The following EDEM1 variants were observed in gnomAD, a reference collection of about 807,000 sequenced individuals.
EDEM1 encodes ER degradation-enhancing alpha-mannosidase-like protein 1.
A neutral mutation model predicts 74.4 loss-of-function variants in EDEM1; 67 were observed. The ratio of observed to expected loss-of-function variants is 0.90; its 90% CI spans 0.74 to 1.10. The LOEUF (loss-of-function observed/expected upper bound fraction) is 1.10, where lower values mean the gene tolerates loss of function less well. Among genes scored for constraint, EDEM1 ranks in the 50% least tolerant of loss-of-function variants. The pLI is 0.00. For missense variants in EDEM1, 926 were observed against 851.6 expected (o/e 1.09, Z -1.09); for synonymous variants, 382 against 335.9 (o/e 1.14, Z -1.50).
In EDEM1 at chr3:5,213,316, T is replaced by G. The variant is rs1559300940; in HGVS notation, c.1681-3T>G. 1.2e-6 allele frequency: 2 copies of G among 1,612,604 alleles called. No individual in the cohort carries two copies. Among genetic ancestry groups the G allele is most frequent in the Non-Finnish European group, 1.7e-6 (2 of 1,179,214 alleles). On this transcript the variant is annotated splice_region_variant and splice_polypyrimidine_tract_variant and intron_variant, in intron 10 of 11. Coordinates refer to ENST00000256497, the MANE Select transcript of EDEM1 (RefSeq NM_014674.3). ...GTTGTATCTTTTTCTCCGTTCCCTCTAGCTGTTTGATGAAGACAATCCAGT... is the reference window on the plus strand; with the variant it reads ...GTTGTATCTTTTTCTCCGTTCCCTCGAGCTGTTTGATGAAGACAATCCAGT...
chr3:5,215,449 T>G (rs2055222476), intron 11 of EDEM1, among the ~76,000 whole-genome samples: 1 of 152,224 alleles, frequency 6.6e-6, no homozygotes, highest in Non-Finnish European at 1.5e-5. Context: ...GGATGTGGCT[T>G]TCAGTCCTGG....
intron 10 of EDEM1, 113 bp downstream of exon 10, chr3:5,211,329 T>C (rs2055164715): frequency 9.7e-7 from 1 of 1,027,706 alleles, no homozygotes; most frequent in Non-Finnish European, 1.5e-6. Context: ...CTGGACATTG[T>C]GCATTCCCAG....
chr3:5,202,963 C>T lies in EDEM1; in HGVS notation c.859-3C>T, dbSNP rs753758706. 54 of 1,612,902 alleles carry T rather than the reference C, an allele frequency of 3.3e-5. No homozygotes were observed. Among genetic ancestry groups the T allele is most frequent in the Non-Finnish European group, 4.3e-5 (51 of 1,179,438 alleles). ...CACAGTCTTTGTCTGTTCCCATCCC[C>T]AGGTGAATCTAAAGACAGGAGTTCC... On this transcript the variant is annotated splice_region_variant and splice_polypyrimidine_tract_variant and intron_variant, in intron 4 of 11. Coordinates refer to ENST00000256497, the MANE Select transcript of EDEM1 (RefSeq NM_014674.3).
chr3:5,205,741 GA>G (rs1559298107), intron 6 of EDEM1, among the ~76,000 whole-genome samples: 1 of 152,242 alleles, frequency 6.6e-6, no homozygotes, highest in African/African-American at 2.4e-5. Flanking sequence ...TGATCTGAGA[GA>G]AAAAGAAAGA....
In EDEM1 at chr3:5,213,467, A is replaced by C. The variant is rs968737261; in HGVS notation, c.1829A>C (p.Lys610Thr). 6.2e-7 allele frequency: 1 copy of C among 1,613,986 alleles called. No homozygotes were observed. Among genetic ancestry groups the C allele is most frequent in the African/African-American group, 1.3e-5 (1 of 74,940 alleles). The stretch of plus-strand genomic sequence containing the variant: ...GAGGGAGGGCAGGACCAAGGGGGAA[A>C]GTCTGTGCACAGGCCGAAACCTCAT... ...SEEGGQDQGG[K>T]SVHRPKPHEL... The change falls in exon 11 of 12, where the codon AAG (lysine) becomes ACG (threonine). Residue 610 changes from lysine (K) to threonine (T), a missense_variant. Coordinates refer to ENST00000256497, the MANE Select transcript of EDEM1 (RefSeq NM_014674.3).
In EDEM1 at chr3:5,187,900, G is replaced by C. The variant is rs1662497797; in HGVS notation, c.95G>C (p.Gly32Ala). The change falls in exon 1 of 12, where the codon GGC becomes GCC. Residue 32 changes from glycine to alanine, a missense_variant. By Grantham distance (60) the Gly-to-Ala change is moderately conservative (BLOSUM62 0). Coordinates refer to ENST00000256497, the MANE Select transcript of EDEM1 (RefSeq NM_014674.3). ...WLVFGLGPSM[G>A]FYQRFPLSFG... Reference sequence around the variant, plus strand: ...GTCTTCGGGCTGGGGCCCAGCATGGGCTTCTACCAGCGCTTTCCGCTCAGC... The same window carrying C: ...GTCTTCGGGCTGGGGCCCAGCATGGCCTTCTACCAGCGCTTTCCGCTCAGC... 6.3e-7 allele frequency: 1 copy of C among 1,599,438 alleles called. No homozygotes were observed. The highest frequency in any genetic ancestry group is 8.5e-7 in the Non-Finnish European group (1 of 1,175,268).
At position 5,188,047 on chromosome 3, in the gene EDEM1, A is replaced by G. The variant is rs1476583268; in HGVS notation, c.242A>G (p.Gln81Arg). 1.4e-6 allele frequency: 2 copies of G among 1,436,346 alleles called. No individual in the cohort carries two copies. The allele number at this position is 1,436,346 out of a possible 1,614,324, so 89.0% of individuals were successfully genotyped here. The change falls in exon 1 of 12, where the codon CAG becomes CGG. Residue 81 changes from glutamine (Q) to arginine (R), a missense_variant. Physicochemically the swap from Gln to Arg is conservative, Grantham distance 43. Coordinates refer to ENST00000256497, the MANE Select transcript of EDEM1 (RefSeq NM_014674.3). ...WLQPPGTGAA[Q>R]SPRKAPRRPG... ...CAGCCGCCGGGGACCGGGGCAGCGCAGAGCCCGCGCAAGGCTCCGCGGCGT... is the reference window on the plus strand; with the variant it reads ...CAGCCGCCGGGGACCGGGGCAGCGCGGAGCCCGCGCAAGGCTCCGCGGCGT...
Position 5,213,532 on chromosome 3 carries a change from T to C in EDEM1, c.1884+10T>C. 1 of 1,597,678 alleles carries C rather than the reference T, an allele frequency of 6.3e-7. No homozygotes were observed. The highest frequency in any genetic ancestry group is 1.1e-5 in the South Asian group (1 of 88,248). On this transcript the variant is annotated intron_variant, in intron 11 of 11. Coordinates refer to ENST00000256497, the MANE Select transcript of EDEM1 (RefSeq NM_014674.3). The stretch of plus-strand genomic sequence containing the variant: ...CAACTCCAGCTCCAACGTGAGTTGC[T>C]TTTTCCAGGGGTGATTTGCATATAG...
chr3:5,205,323 C>G, intron 6 of EDEM1, 82 bp downstream of exon 6: 2 of 1,391,140 alleles, frequency 1.4e-6, no homozygotes, highest in Non-Finnish European at 2.0e-6. Flanking sequence ...TTTTAACACA[C>G]AATCACAGGG....
intron 7 of EDEM1, among the ~76,000 whole-genome samples, chr3:5,207,860 G>C (rs1178624550): frequency 2.6e-5 from 4 of 152,180 alleles, no homozygotes; most frequent in Non-Finnish European, 5.9e-5. Context: ...TTGTTCATGA[G>C]TACACGTAAT....
intron 2 of EDEM1, among the ~76,000 whole-genome samples, chr3:5,197,927 A>G (rs1271410108): frequency 6.6e-6 from 1 of 152,236 alleles, no homozygotes; most frequent in African/African-American, 2.4e-5. Flanking sequence ...GACATCAATC[A>G]GTATGTGTAA....
At chr3:5,210,291 AATTT>A in intron 9 of EDEM1, 43 bp downstream of exon 9, 1 of 1,544,208 alleles carries the variant, frequency 6.5e-7, no homozygotes, top group Non-Finnish European at 8.9e-7. Flanking sequence ...AGCCACTTTT[AATTT>A]ATTTCAAATT....
rs1207490405 is a variant in EDEM1 at position 5,218,775 on chromosome 3, A to AG, written c.*2860dup. 1 of 152,174 alleles carries AG rather than the reference A, an allele frequency of 6.6e-6. No homozygotes were observed. Among genetic ancestry groups the AG allele is most frequent in the Non-Finnish European group, 1.5e-5 (1 of 68,038 alleles). The allele number at this position is 152,174 out of a possible 1,614,324, so 9.4% of individuals were successfully genotyped here. On this transcript the variant is annotated 3_prime_UTR_variant, in exon 12 of 12. Coordinates refer to ENST00000256497, the MANE Select transcript of EDEM1 (RefSeq NM_014674.3). ...CTTCTAGAATCATAGGTGGCAAGGGAGGGTTTGCTAGCTCTCCATTTGCAC... is the reference window on the plus strand; with the variant it reads ...CTTCTAGAATCATAGGTGGCAAGGGAGGGGTTTGCTAGCTCTCCATTTGCAC...
At chr3:5,215,035 G>C (rs1413557794) in intron 11 of EDEM1, among the ~76,000 whole-genome samples, 2 of 152,212 alleles carry the variant, frequency 1.3e-5, no homozygotes, top group Non-Finnish European at 2.9e-5. Context: ...AGGGTGTTCA[G>C]GCAGAAGCAG....
At chr3:5,210,316 A>G in intron 9 of EDEM1, 68 bp downstream of exon 9, 1 of 1,417,940 alleles carries the variant, frequency 7.1e-7, no homozygotes, top group Non-Finnish European at 9.9e-7. Flanking sequence ...GTTTTGGGGA[A>G]ATATCCTAGT....
At chr3:5,209,413 T>C (rs932336305) in intron 8 of EDEM1, among the ~76,000 whole-genome samples, 1 of 152,192 alleles carries the variant, frequency 6.6e-6, no homozygotes, top group Non-Finnish European at 1.5e-5. Context: ...CTGTCACTGC[T>C]TCTTTCATGT....
At chr3:5,188,338 G>T (rs953081860) in intron 1 of EDEM1, 24 bp downstream of exon 1, 1 of 1,404,174 alleles carries the variant, frequency 7.1e-7, no homozygotes. Context: ...GCCGCCCGGG[G>T]CCGCGCGCCC....
intron 4 of EDEM1, 67 bp downstream of exon 4, chr3:5,201,991 T>G: frequency 6.5e-7 from 1 of 1,528,598 alleles, no homozygotes; most frequent in Non-Finnish European, 8.8e-7. Context: ...AATTCTTTGC[T>G]TACTAATTTA....
intron 10 of EDEM1, 116 bp downstream of exon 10, chr3:5,211,332 A>T (rs1319988430): frequency 1.0e-6 from 1 of 992,044 alleles, no homozygotes; most frequent in Non-Finnish European, 1.5e-6. Context: ...GACATTGTGC[A>T]TTCCCAGGAT....
Sources: gnomAD v4.1 joint callset for allele counts (sites outside exome capture counted in the v4.1 genomes callset) on GRCh38, gnomAD v4.1.1 for gene constraint, MANE v1.5 for transcripts, NCBI Gene and HGNC (gene_info 2026-07-23, HGNC 2026-07-21) for gene names.